Variants in LRP6 observed in about 807,000 individuals in gnomAD.
LRP6 encodes the protein low-density lipoprotein receptor-related protein 6.
In LRP6, 43 loss-of-function variants were observed where a neutral mutation model predicts 184.1. The ratio of observed to expected loss-of-function variants is 0.23; its 90% CI spans 0.18 to 0.30. The LOEUF (loss-of-function observed/expected upper bound fraction) is 0.30. Ranked by LOEUF, LRP6 falls within the 10% of genes least tolerant of loss-of-function variation. The pLI is 1.00. For missense variants in LRP6, 1,571 were observed against 2,005.3 expected, an observed-to-expected ratio of 0.78 and a Z score of 4.14; for synonymous variants, 719 against 684.9, an observed-to-expected ratio of 1.05 and a Z score of -0.78.
intron 19 of LRP6, among the ~76,000 whole-genome samples, chr12:12,127,907 G>A (rs1246647520): frequency 6.6e-6 from 1 of 152,124 alleles, no homozygotes; most frequent in African/African-American, 2.4e-5. Flanking sequence ...TAATATGTAG[G>A]GATTATCATT....
chr12:12,171,366 C>A (rs995824451), intron 7 of LRP6, among the ~76,000 whole-genome samples: 2 of 151,768 alleles, frequency 1.3e-5, no homozygotes, highest in East Asian at 3.9e-4. Context: ...AACACACACA[C>A]AAAAAACTAG....
At chr12:12,241,492 A>G (rs573871292) in intron 2 of LRP6, among the ~76,000 whole-genome samples, 1 of 152,286 alleles carries the variant, frequency 6.6e-6, no homozygotes, top group East Asian at 1.9e-4. Flanking sequence ...ATTTGTACAT[A>G]TATCAAATGT....
chr12:12,119,251 T>C lies in LRP6; in HGVS notation c.*1875A>G, dbSNP rs1033025046. 6.6e-6 allele frequency: 1 copy of C among 152,210 alleles called. No homozygotes were observed. The highest frequency in any genetic ancestry group is 1.5e-5 in the Non-Finnish European group (1 of 68,024). 9.4% of individuals were successfully genotyped at this position (152,210 alleles called of 1,614,324 possible). ...TTTACTTAGGTATTTTTAACTTGCA[T>C]GAACAGTTACTTCACCCTTGCCCAA... On this transcript the variant is annotated 3_prime_UTR_variant, in exon 23 of 23. Transcript: ENST00000261349.
chr12:12,249,547 T>C (rs1865270058), intron 1 of LRP6: 2 of 533,684 alleles, frequency 3.7e-6, no homozygotes, highest in African/African-American at 1.9e-5. Context: ...AGCAGCAAAT[T>C]TTCTAGATAT....
intron 19 of LRP6, among the ~76,000 whole-genome samples, chr12:12,129,296 T>G (rs1949714666): frequency 6.6e-6 from 1 of 152,128 alleles, no homozygotes; most frequent in Non-Finnish European, 1.5e-5. Flanking sequence ...TTTCAGTGAC[T>G]CTCCACTCCC....
intron 1 of LRP6, among the ~76,000 whole-genome samples, chr12:12,261,396 C>G (rs1264695481): frequency 6.8e-6 from 1 of 147,024 alleles, no homozygotes; most frequent in African/African-American, 2.5e-5. Flanking sequence ...GAGCAAGACT[C>G]CGTCTCAAAA....
At chr12:12,179,365 TATAGATATAGATATAG>T (rs1863278814) in intron 7 of LRP6, among the ~76,000 whole-genome samples, 1 of 8,786 alleles carries the variant, frequency 1.1e-4, no homozygotes, top group Admixed American at 1.3e-3. Flanking sequence ...CAATAAAAGA[TATAGATATAGATATAG>T]ATATAGATAT....
intron 2 of LRP6, among the ~76,000 whole-genome samples, chr12:12,205,193 T>C (rs771031556): frequency 2.6e-5 from 4 of 151,482 alleles, no homozygotes; most frequent in Admixed American, 6.6e-5. Flanking sequence ...GTCAGGTGCA[T>C]GTAACCCCAG....
intron 15 of LRP6, among the ~76,000 whole-genome samples, chr12:12,144,871 C>T (rs1204159488): frequency 3.0e-5 from 4 of 132,378 alleles, no homozygotes; most frequent in Non-Finnish European, 6.1e-5. Context: ...AATGAGATCA[C>T]TTGGACACAG....
chr12:12,124,741 T>C (rs745968597), intron 21 of LRP6, 79 bp from the exon 22 acceptor site: 10 of 867,272 alleles, frequency 1.2e-5, no homozygotes, highest in Non-Finnish European at 1.9e-5. Flanking sequence ...TCTTCCTTCA[T>C]CTCTATTAGT....
chr12:12,138,786 A>C (rs760234953), intron 15 of LRP6: 21 of 1,473,906 alleles, frequency 1.4e-5, no homozygotes, highest in Admixed American at 2.0e-5. Flanking sequence ...GAAATGTAGA[A>C]AAGAACTTAG....
chr12:12,257,146 G>A (rs1865484026), intron 1 of LRP6, among the ~76,000 whole-genome samples: 1 of 152,150 alleles, frequency 6.6e-6, no homozygotes, highest in Non-Finnish European at 1.5e-5. Flanking sequence ...GAGGGAGCAG[G>A]GGATGATAAG....
chr12:12,147,357 C>T lies in LRP6; in HGVS notation c.3397+9G>A. ...CAAATTAAAATAAGGAAACATATTT[C>T]TTGGGTACCTGAGAGATCACTGCTT... On this transcript the variant is annotated intron_variant, in intron 15 of 22. Transcript: ENST00000261349. The T allele has an allele frequency of 6.2e-7, 1 of 1,613,780 alleles. No individual in the cohort carries two copies. The highest frequency in any genetic ancestry group is 8.5e-7 in the Non-Finnish European group (1 of 1,179,744).
chr12:12,237,960 ACAAAATGT>A (rs1350895412), intron 2 of LRP6, among the ~76,000 whole-genome samples: 1 of 152,242 alleles, frequency 6.6e-6, no homozygotes, highest in African/African-American at 2.4e-5. Context: ...CTATGGTTAT[ACAAAATGT>A]CAATATTTAG....
intron 1 of LRP6, among the ~76,000 whole-genome samples, chr12:12,248,759 C>T (rs373223921): frequency 3.6e-4 from 55 of 152,286 alleles, no homozygotes; most frequent in Admixed American, 1.5e-3. Context: ...GGATTACAGG[C>T]TTGAGCCACT....
At chr12:12,150,805 GA>G (rs1357459721) in intron 13 of LRP6, 30 bp downstream of exon 13, 1 of 1,609,786 alleles carries the variant, frequency 6.2e-7, no homozygotes, top group Non-Finnish European at 8.5e-7. Flanking sequence ...TTAGTCAGGA[GA>G]AATGAATTTT....
At chr12:12,171,552 T>C in intron 7 of LRP6, among the ~76,000 whole-genome samples, 1 of 146,110 alleles carries the variant, frequency 6.8e-6, no homozygotes, top group Non-Finnish European at 1.6e-5. Context: ...AATAAATAAA[T>C]AAATAAATAA....
At chr12:12,220,719 C>A (rs1864465472) in intron 2 of LRP6, among the ~76,000 whole-genome samples, 1 of 151,808 alleles carries the variant, frequency 6.6e-6, no homozygotes, top group South Asian at 2.1e-4. Flanking sequence ...TCACCTCAGC[C>A]TCCTGAGTAA....
chr12:12,252,531 A>T (rs1170100493), intron 1 of LRP6, among the ~76,000 whole-genome samples: 1 of 152,214 alleles, frequency 6.6e-6, no homozygotes, highest in East Asian at 1.9e-4. Context: ...GAAGGTATAA[A>T]GCTCCTAGAA....
Sources: allele counts gnomAD v4.1 joint callset (sites outside exome capture counted in the v4.1 genomes callset), GRCh38; gene constraint gnomAD v4.1.1; transcripts MANE v1.5; gene names NCBI Gene and HGNC (gene_info 2026-07-23, HGNC 2026-07-21).